Variants in CAMSAP2 observed in about 807,000 individuals in gnomAD.
The protein encoded by CAMSAP2 is calmodulin-regulated spectrin-associated protein 2.
CAMSAP2 carries 26 observed loss-of-function variants against 146.1 expected under a neutral mutation model. The observed-to-expected ratio is 0.18, with a 90% CI of 0.13 to 0.25. The LOEUF is 0.25. Ranked by LOEUF, CAMSAP2 falls within the 10% of genes least tolerant of loss-of-function variation. The pLI is 1.00. For synonymous variants in CAMSAP2, 499 were observed against 596.6 expected, an observed-to-expected ratio of 0.84 and a Z score of 2.38; for missense variants, 1,381 against 1,759.3, an observed-to-expected ratio of 0.78 and a Z score of 3.85.
At chr1:200,817,781 C>T (rs1465428524) in intron 4 of CAMSAP2, among the ~76,000 whole-genome samples, 4 of 152,296 alleles carry the variant, frequency 2.6e-5, no homozygotes, top group Non-Finnish European at 5.9e-5. Context: ...AATGCTTTCC[C>T]CCATTTGGTT....
Position 200,739,748 on chromosome 1 carries a change from C to A in CAMSAP2, c.-80C>A. ...CCCGATGGTTTGAGCTTGCTTCTCC[C>A]TCCCTCCCGACCCCCGTGGTGGCGA... is the stretch of plus-strand genomic sequence containing the variant. On this transcript the variant is annotated 5_prime_UTR_variant, in exon 1 of 17. Coordinates refer to ENST00000358823, the MANE Select transcript of CAMSAP2 (RefSeq NM_203459.4). The surrounding 1 kb of genome is among the most constrained non-coding windows in gnomAD (Gnocchi z 4.8). The A allele has an allele frequency of 1.4e-6, 2 of 1,449,346 alleles. No individual in the cohort carries two copies. The highest frequency in any genetic ancestry group is 2.5e-5 in the East Asian group (1 of 40,130). The allele number at this position is 1,449,346 out of a possible 1,614,324, so 89.8% of individuals were successfully genotyped here.
At chr1:200,820,056 C>CA (rs762733889) in intron 4 of CAMSAP2, among the ~76,000 whole-genome samples, 41 of 149,984 alleles carry the variant, frequency 2.7e-4, no homozygotes, top group South Asian at 6.3e-4. Flanking sequence ...TAATGTTTCT[C>CA]AAAAAATTTT....
intron 11 of CAMSAP2, among the ~76,000 whole-genome samples, chr1:200,851,230 C>T (rs1423898941): frequency 6.6e-6 from 1 of 152,048 alleles, no homozygotes; most frequent in Non-Finnish European, 1.5e-5. Context: ...GACAGAGCTT[C>T]GCTCTTGTTG....
At chr1:200,808,637 TCA>T (rs1666244168) in intron 3 of CAMSAP2, among the ~76,000 whole-genome samples, 2 of 152,310 alleles carry the variant, frequency 1.3e-5, no homozygotes, top group South Asian at 4.1e-4. Flanking sequence ...CTGTAGAAAA[TCA>T]CAGTTACATT....
chr1:200,819,250 T>C (rs1382740937), intron 4 of CAMSAP2, among the ~76,000 whole-genome samples: 2 of 152,200 alleles, frequency 1.3e-5, no homozygotes, highest in African/African-American at 2.4e-5. Flanking sequence ...ATGTTTTGTT[T>C]AAACAGTTTA....
chr1:200,835,067 T>G (rs1383562241), intron 6 of CAMSAP2, among the ~76,000 whole-genome samples: 3 of 152,218 alleles, frequency 2.0e-5, no homozygotes, highest in African/African-American at 7.2e-5. Context: ...GCAACCCCCA[T>G]GTATGCAGTT....
Position 200,848,622 on chromosome 1 carries a change from A to G in CAMSAP2, c.1853A>G (p.Asp618Gly), listed in dbSNP as rs1254660746. The G allele has an allele frequency of 1.2e-6, 2 of 1,614,140 alleles. No individual in the cohort carries two copies. Among genetic ancestry groups the G allele is most frequent in the Non-Finnish European group, 1.7e-6 (2 of 1,179,956 alleles). Residue 618 changes from aspartate (D) to glycine (G), a missense_variant, in exon 11 of 17, where the codon GAT becomes GGT. This residue lies in a region of CAMSAP2 where 447 missense variants were observed against 462.2 expected (regional missense o/e 0.97). Transcript: ENST00000358823. ...ACTGGAATTCACGTTCCTTCAGAAGATATTCCTGAAACTATGGACGAAGAT... is the reference window on the plus strand; with the variant it reads ...ACTGGAATTCACGTTCCTTCAGAAGGTATTCCTGAAACTATGGACGAAGAT... ...VDTGIHVPSE[D>G]IPETMDEDSS...
chr1:200,776,542 G>A (rs1379499601), intron 2 of CAMSAP2, among the ~76,000 whole-genome samples: 1 of 152,056 alleles, frequency 6.6e-6, no homozygotes, highest in Non-Finnish European at 1.5e-5. Context: ...AGAAACCTGG[G>A]CAGGCTTGTG....
intron 4 of CAMSAP2, among the ~76,000 whole-genome samples, chr1:200,822,960 AG>A (rs1434334773): frequency 6.6e-6 from 1 of 152,112 alleles, no homozygotes; most frequent in South Asian, 2.1e-4. Context: ...ACTATGGGTA[AG>A]GGGGGGACAG....
Position 200,850,094 on chromosome 1 carries a change from A to C in CAMSAP2, c.3325A>C (p.Asn1109His). The C allele has an allele frequency of 1.2e-6, 2 of 1,614,052 alleles. No homozygotes were observed. Among genetic ancestry groups the C allele is most frequent in the Non-Finnish European group, 1.7e-6 (2 of 1,179,992 alleles). ...CGTTTTCCCACCCACTGCTCCAAAA[A>C]ATGTTAATCTGATTGAAGTTTCCCT... ...KPVFPPTAPK[N>H]VNLIEVSLSD... is the part of the protein sequence containing the mutation. Residue 1109 changes from asparagine to histidine, a missense_variant, in exon 11 of 17, where the codon AAT becomes CAT. By Grantham distance (68) the Asn-to-His change is moderately conservative. Transcript: ENST00000358823.
chr1:200,740,458 A>G (rs559804741), intron 1 of CAMSAP2, among the ~76,000 whole-genome samples: 17 of 152,266 alleles, frequency 1.1e-4, no homozygotes, highest in African/African-American at 3.9e-4. Flanking sequence ...TGTCGAGTGC[A>G]GTATTAATTT....
intron 2 of CAMSAP2, among the ~76,000 whole-genome samples, chr1:200,785,677 A>ACGGCACCCAGCCAATTTTGGT: frequency 2.0e-5 from 3 of 149,740 alleles, no homozygotes; most frequent in Middle Eastern, 3.5e-3. Flanking sequence ...GGCGTGAGCC[A>ACGGCACCCAGCCAATTTTGGT]TGTGCCTGGC....
chr1:200,769,993 C>G (rs192736394), intron 2 of CAMSAP2, among the ~76,000 whole-genome samples: 29 of 152,192 alleles, frequency 1.9e-4, no homozygotes, highest in African/African-American at 6.7e-4. Context: ...ATAACAAGGG[C>G]TTTAGAAGTT....
intron 2 of CAMSAP2, among the ~76,000 whole-genome samples, chr1:200,791,632 A>G (rs573790714): frequency 5.9e-5 from 9 of 152,276 alleles, no homozygotes; most frequent in African/African-American, 1.7e-4. Context: ...TTATATTTAC[A>G]GTCTTATTCC....
At chr1:200,852,409 C>G (rs1667644614) in intron 11 of CAMSAP2, 132 bp from the exon 12 acceptor site, 2 of 923,878 alleles carry the variant, frequency 2.2e-6, no homozygotes, top group Non-Finnish European at 3.2e-6. Flanking sequence ...TCAACCACAC[C>G]CACATTCAGA....
chr1:200,846,200 T>C (rs931441810), intron 8 of CAMSAP2, among the ~76,000 whole-genome samples: 1 of 152,222 alleles, frequency 6.6e-6, no homozygotes, highest in Non-Finnish European at 1.5e-5. Flanking sequence ...GGTGGGTCAA[T>C]AGTGACATTT....
At chr1:200,801,066 C>T (rs1263393386) in intron 2 of CAMSAP2, among the ~76,000 whole-genome samples, 1 of 152,116 alleles carries the variant, frequency 6.6e-6, no homozygotes, top group Non-Finnish European at 1.5e-5. Flanking sequence ...GAGATTGAGA[C>T]CATCCTGGCC....
At position 200,840,563 on chromosome 1, in the gene CAMSAP2, C is replaced by T. The variant is rs150189836; in HGVS notation, c.928-1431C>T. ...ACAGGCATGAGCCACTGCGCCCAGC[C>T]TCTTTTCTTCACTTTCTACATACAC... On this transcript the variant is annotated intron_variant, in intron 6 of 16. Transcript: ENST00000358823. Among the ~76,000 whole-genome samples the T allele has an allele frequency of 2.2e-3, 329 of 152,314 alleles. 1 individual carries two copies. The highest frequency in any genetic ancestry group is 7.8e-3 in the African/African-American group (324 of 41,562).
intron 3 of CAMSAP2, among the ~76,000 whole-genome samples, chr1:200,812,728 CA>C (rs1666364780): frequency 6.6e-6 from 1 of 152,076 alleles, no homozygotes; most frequent in Non-Finnish European, 1.5e-5. Flanking sequence ...CTTAAAAAAG[CA>C]AAATCACAGA....
Sources: gnomAD v4.1 joint callset for allele counts (sites outside exome capture counted in the v4.1 genomes callset) on GRCh38, gnomAD v4.1.1 for gene constraint, gnomAD v4.1.1 regional missense constraint, Gnocchi (gnomAD v3.1) non-coding constraint, MANE v1.5 for transcripts, NCBI Gene and HGNC (gene_info 2026-07-23, HGNC 2026-07-21) for gene names.